Variants in DSCAM observed in about 807,000 individuals in gnomAD.
The protein encoded by DSCAM is DS cell adhesion molecule, also known as cell adhesion molecule DSCAM.
In DSCAM, 47 loss-of-function variants were observed where a neutral mutation model predicts 217.7. That is an observed-to-expected ratio of 0.22 (90% CI 0.17 to 0.28). DSCAM has a LOEUF of 0.28. Among genes scored for constraint, DSCAM ranks in the 10% least tolerant of loss-of-function variants. DSCAM has a pLI of 1.00. For synonymous variants in DSCAM, 1,056 were observed against 1,015.3 expected, an observed-to-expected ratio of 1.04 and a Z score of -0.76; for missense variants, 2,080 against 2,618.3, an observed-to-expected ratio of 0.79 and a Z score of 4.49.
intron 11 of DSCAM, among the ~76,000 whole-genome samples, chr21:40,231,010 C>T (rs943631830): frequency 3.6e-5 from 5 of 137,662 alleles, no homozygotes; most frequent in African/African-American, 1.1e-4. Context: ...CTCGATTATG[C>T]TTTTTTTTTT....
chr21:40,194,106 G>T (rs753812789), intron 11 of DSCAM, among the ~76,000 whole-genome samples: 7 of 152,174 alleles, frequency 4.6e-5, no homozygotes, highest in Non-Finnish European at 8.8e-5. Context: ...CCTCTGGTTT[G>T]TTTATGACTT....
At chr21:40,397,011 A>C (rs2075184560) in intron 3 of DSCAM, among the ~76,000 whole-genome samples, 2 of 152,056 alleles carry the variant, frequency 1.3e-5, no homozygotes, top group African/African-American at 4.8e-5. Context: ...CTTCCTATTG[A>C]CAAACTCCTT....
At chr21:40,287,427 G>T (rs905839054) in intron 10 of DSCAM, among the ~76,000 whole-genome samples, 4 of 152,254 alleles carry the variant, frequency 2.6e-5, no homozygotes, top group Admixed American at 1.3e-4. Flanking sequence ...ACTACAGAAG[G>T]TTCCAGGGAT....
intron 11 of DSCAM, among the ~76,000 whole-genome samples, chr21:40,218,079 T>C (rs189359374): frequency 6.9e-4 from 105 of 152,356 alleles, no homozygotes; most frequent in African/African-American, 2.5e-3. Flanking sequence ...TTGCCATTCC[T>C]GTGTCCAGGA....
intron 1 of DSCAM, among the ~76,000 whole-genome samples, chr21:40,736,019 A>AG (rs986306482): frequency 1.9e-4 from 29 of 152,194 alleles, no homozygotes; most frequent in Non-Finnish European, 8.8e-5. Context: ...TACAAAGTCA[A>AG]GGGGAACCTA....
chr21:40,037,602 T>TAC lies in DSCAM; in HGVS notation c.5686+4767_5686+4768dup, dbSNP rs1263830979. On this transcript the variant is annotated intron_variant, in intron 32 of 32. Transcript: ENST00000400454. Reference sequence around the variant, plus strand: ...AATGGCCATACTGCCCAAGGTAATTTACAGATTCAATGCCATCCCCATCAA... The same window carrying TAC: ...AATGGCCATACTGCCCAAGGTAATTTACACAGATTCAATGCCATCCCCATCAA... Among the ~76,000 whole-genome samples, 7 of 149,342 alleles carry TAC rather than the reference T, an allele frequency of 4.7e-5. 1 individual carries two copies. The highest frequency in any genetic ancestry group is 1.8e-4 in the African/African-American group (7 of 39,040).
intron 28 of DSCAM, among the ~76,000 whole-genome samples, chr21:40,060,354 G>A (rs548317086): frequency 6.6e-6 from 1 of 152,338 alleles, no homozygotes; most frequent in Non-Finnish European, 1.5e-5. Context: ...GAGGAGAAGA[G>A]AAAAAGCAAA....
At chr21:40,450,300 T>G (rs2145927844) in intron 3 of DSCAM, among the ~76,000 whole-genome samples, 1 of 152,316 alleles carries the variant, frequency 6.6e-6, no homozygotes, top group South Asian at 2.1e-4. Context: ...GAAGAGGCCG[T>G]CAAGTACAGA....
intron 26 of DSCAM, among the ~76,000 whole-genome samples, chr21:40,075,588 G>C (rs2146547079): frequency 6.6e-6 from 1 of 152,252 alleles, no homozygotes; most frequent in East Asian, 1.9e-4. Context: ...CGAAAAAATT[G>C]CACATCAAAG....
chr21:40,774,943 G>A (rs2091475380), intron 1 of DSCAM, among the ~76,000 whole-genome samples: 1 of 150,484 alleles, frequency 6.6e-6, no homozygotes, highest in African/African-American at 2.4e-5. Flanking sequence ...ACTAAGGAAT[G>A]AAAATGAGCA....
intron 21 of DSCAM, among the ~76,000 whole-genome samples, chr21:40,090,662 C>T (rs978809394): frequency 7.9e-5 from 12 of 152,190 alleles, no homozygotes; most frequent in Non-Finnish European, 1.6e-4. Flanking sequence ...CTCCCACTCC[C>T]TTTGAGAGTC....
chr21:40,558,471 C>T (rs529672079), intron 3 of DSCAM, among the ~76,000 whole-genome samples: 45 of 150,110 alleles, frequency 3.0e-4, no homozygotes, highest in Admixed American at 1.1e-3. Context: ...AAAAAATTAT[C>T]TAAGTTAATT....
intron 3 of DSCAM, among the ~76,000 whole-genome samples, chr21:40,548,054 G>C (rs948513937): frequency 6.6e-6 from 1 of 152,198 alleles, no homozygotes; most frequent in South Asian, 2.1e-4. Context: ...CGGAGGAGCG[G>C]GGAGAGAGCC....
At chr21:40,430,592 T>C (rs2075521229) in intron 3 of DSCAM, among the ~76,000 whole-genome samples, 1 of 152,204 alleles carries the variant, frequency 6.6e-6, no homozygotes, top group Admixed American at 6.5e-5. Flanking sequence ...CCTATGATTG[T>C]GTAAGTTAAT....
chr21:40,197,061 T>C (rs2091018154), intron 11 of DSCAM, among the ~76,000 whole-genome samples: 1 of 152,162 alleles, frequency 6.6e-6, no homozygotes, highest in South Asian at 2.1e-4. Flanking sequence ...TATAAGAGAA[T>C]TTTGGAATTA....
chr21:40,741,595 A>G (rs2146543604), intron 1 of DSCAM, among the ~76,000 whole-genome samples: 1 of 152,304 alleles, frequency 6.6e-6, no homozygotes, highest in African/African-American at 2.4e-5. Flanking sequence ...TAACAAGTCC[A>G]CTGGGTAAAT....
At chr21:40,475,171 G>A (rs956635517) in intron 3 of DSCAM, among the ~76,000 whole-genome samples, 1 of 152,226 alleles carries the variant, frequency 6.6e-6, no homozygotes, top group African/African-American at 2.4e-5. Flanking sequence ...CTTTGATTGT[G>A]AAGGTGCATT....
intron 3 of DSCAM, among the ~76,000 whole-genome samples, chr21:40,672,953 T>G (rs1381330174): frequency 1.3e-5 from 2 of 152,108 alleles, no homozygotes; most frequent in Non-Finnish European, 2.9e-5. Context: ...CCCGCACTTT[T>G]CTCCACACAG....
chr21:40,412,901 C>G (rs2075336421), intron 3 of DSCAM, among the ~76,000 whole-genome samples: 1 of 152,230 alleles, frequency 6.6e-6, no homozygotes, highest in Non-Finnish European at 1.5e-5. Context: ...CCCAAGGTCT[C>G]TGTGTGCAGC....
Sources: gnomAD v4.1 joint callset for allele counts (sites outside exome capture counted in the v4.1 genomes callset) on GRCh38, gnomAD v4.1.1 for gene constraint, MANE v1.5 for transcripts, NCBI Gene and HGNC (gene_info 2026-07-23, HGNC 2026-07-21) for gene names.